TMEM131: variants seen among roughly 807,000 people sequenced by gnomAD.
The protein encoded by TMEM131 is 2610524E03Rik.
Under a neutral mutation model 211.6 loss-of-function variants are expected in TMEM131, and 66 were observed. The ratio of observed to expected loss-of-function variants is 0.31; its 90% CI spans 0.26 to 0.38. TMEM131 has a LOEUF of 0.38. Among genes scored for constraint, TMEM131 ranks in the 10% least tolerant of loss-of-function variants. The probability of loss-of-function intolerance (pLI) is 1.00; values close to 1 mark genes in which losing one functional copy is unlikely to be tolerated. For missense variants in TMEM131, 2,036 were observed against 2,299.3 expected (o/e 0.89, Z 2.34); for synonymous variants, 844 against 841.3 (o/e 1.00, Z -0.06).
At chr2:97,979,749 CT>C (rs1470380119) in intron 1 of TMEM131, among the ~76,000 whole-genome samples, 1 of 152,184 alleles carries the variant, frequency 6.6e-6, no homozygotes, top group East Asian at 1.9e-4. Context: ...AGCAATAAGG[CT>C]GTTTTGCTTT....
chr2:97,772,632 A>G (rs142701861), intron 32 of TMEM131, among the ~76,000 whole-genome samples: 1,627 of 152,314 alleles, frequency 0.011, 14 homozygotes, highest in Middle Eastern at 0.037. Context: ...GCGGTGGCGC[A>G]TGCCTGTAAT....
chr2:97,959,881 CAA>C lies in TMEM131; in HGVS notation c.188-32396_188-32395del, dbSNP rs574228097. Among the ~76,000 whole-genome samples, 346 of 152,250 alleles carry C rather than the reference CAA, an allele frequency of 2.3e-3. 1 individual carries two copies. Among genetic ancestry groups the C allele is most frequent in the Non-Finnish European group, 3.3e-3 (222 of 68,008 alleles). On this transcript the variant is annotated intron_variant, in intron 1 of 40. Coordinates refer to ENST00000186436, the MANE Select transcript of TMEM131 (RefSeq NM_015348.2). ...TCCTTTAAATTACAACAGTCCCCCTCAAAAGTTTTTGTCTTTCATGACATAAT... is the reference window on the plus strand; with the variant it reads ...TCCTTTAAATTACAACAGTCCCCCTCAAGTTTTTGTCTTTCATGACATAAT...
intron 1 of TMEM131, among the ~76,000 whole-genome samples, chr2:97,973,340 C>A (rs1679389714): frequency 6.6e-6 from 1 of 152,056 alleles, no homozygotes; most frequent in Admixed American, 6.6e-5. Context: ...ATTTTCAGAC[C>A]CTAAACATCA....
At chr2:97,795,655 G>A (rs1187600510) in intron 28 of TMEM131, among the ~76,000 whole-genome samples, 1 of 152,130 alleles carries the variant, frequency 6.6e-6, no homozygotes, top group Non-Finnish European at 1.5e-5. Flanking sequence ...TACTTATTAA[G>A]TAAATATTCA....
chr2:97,824,050 G>C (rs1682257072), intron 11 of TMEM131, among the ~76,000 whole-genome samples: 1 of 152,174 alleles, frequency 6.6e-6, no homozygotes, highest in Admixed American at 6.5e-5. Context: ...AACAAACCTT[G>C]GTGGTTCAGA....
chr2:97,871,597 G>A (rs948533725), intron 4 of TMEM131, among the ~76,000 whole-genome samples: 2 of 152,136 alleles, frequency 1.3e-5, no homozygotes, highest in South Asian at 2.1e-4. Context: ...TGACTCAACC[G>A]GTCCTGTGGC....
chr2:97,832,308 G>T (rs10165306), intron 11 of TMEM131, among the ~76,000 whole-genome samples: 1 of 152,166 alleles, frequency 6.6e-6, no homozygotes, highest in African/African-American at 2.4e-5. Context: ...TATTGAAAAA[G>T]ATACTTGTTT....
intron 2 of TMEM131, among the ~76,000 whole-genome samples, chr2:97,910,270 ACT>A (rs1676240113): frequency 1.3e-5 from 2 of 152,170 alleles, no homozygotes. Context: ...ACCTTTGTGC[ACT>A]GTTAGTGTGA....
rs142462181 is a variant in TMEM131 at position 97,866,086 on chromosome 2, G to A, written c.360-6659C>T. Reference sequence around the variant, plus strand: ...TCTTTAGTAGACGTGGGGTTTCACCGTTAGCCAGGATGGTCTCGATCTCCT... The same window carrying A: ...TCTTTAGTAGACGTGGGGTTTCACCATTAGCCAGGATGGTCTCGATCTCCT... On this transcript the variant is annotated intron_variant, in intron 4 of 40. Coordinates refer to ENST00000186436, the MANE Select transcript of TMEM131 (RefSeq NM_015348.2). Among the ~76,000 whole-genome samples, 758 of 152,228 alleles carry A rather than the reference G, an allele frequency of 5.0e-3. 2 individuals are homozygous for A. The highest frequency in any genetic ancestry group is 8.9e-3 in the Non-Finnish European group (602 of 68,002).
intron 9 of TMEM131, 23 bp from the exon 10 acceptor site, chr2:97,834,700 A>C: frequency 1.3e-6 from 2 of 1,596,898 alleles, no homozygotes; most frequent in Non-Finnish European, 1.7e-6. Context: ...AAAAGTCAAC[A>C]ATTATTTTTC....
chr2:97,992,206 T>G (rs770676419), intron 1 of TMEM131, among the ~76,000 whole-genome samples: 40 of 152,174 alleles, frequency 2.6e-4, no homozygotes, highest in Non-Finnish European at 5.6e-4. Flanking sequence ...TTAAAAATAG[T>G]TTGGTTAAGA....
At chr2:97,874,983 T>A (rs1458464478) in intron 4 of TMEM131, among the ~76,000 whole-genome samples, 1 of 152,030 alleles carries the variant, frequency 6.6e-6, no homozygotes, top group African/African-American at 2.4e-5. Flanking sequence ...TCATCTCACA[T>A]GCAAGGCACA....
In TMEM131 at chr2:97,995,457, G is replaced by A. The variant is rs1169056485; in HGVS notation, c.187+19C>T. 5 of 1,362,986 alleles carry A rather than the reference G, an allele frequency of 3.7e-6. No individual in the cohort carries two copies. The highest frequency in any genetic ancestry group is 3.5e-5 in the South Asian group (2 of 57,068). 84.4% of individuals were successfully genotyped at this position (1,362,986 alleles called of 1,614,324 possible). On this transcript the variant is annotated intron_variant, in intron 1 of 40. Coordinates refer to ENST00000186436, the MANE Select transcript of TMEM131 (RefSeq NM_015348.2). ...GGGGTGACAGCCCCGCCGCAGGGACGCCGCCGGGGGACACCCACCTTCCTT... is the reference window on the plus strand; with the variant it reads ...GGGGTGACAGCCCCGCCGCAGGGACACCGCCGGGGGACACCCACCTTCCTT...
chr2:97,828,275 G>A (rs943424861), intron 11 of TMEM131, among the ~76,000 whole-genome samples: 5 of 151,558 alleles, frequency 3.3e-5, no homozygotes, highest in African/African-American at 4.9e-5. Flanking sequence ...TTAGAATTTC[G>A]TTATGTATGT....
chr2:97,980,903 A>G (rs953471315), intron 1 of TMEM131, among the ~76,000 whole-genome samples: 1 of 151,998 alleles, frequency 6.6e-6, no homozygotes, highest in African/African-American at 2.4e-5. Flanking sequence ...GTGGTTGACA[A>G]GAGTCAGAAG....
Position 97,927,744 on chromosome 2 carries a change from ATT to A in TMEM131, c.188-259_188-258del, listed in dbSNP as rs577426730. Among the ~76,000 whole-genome samples, 212 of 152,256 alleles carry A rather than the reference ATT, an allele frequency of 1.4e-3. 1 individual carries two copies. The highest frequency in any genetic ancestry group is 4.8e-3 in the African/African-American group (201 of 41,580). On this transcript the variant is annotated intron_variant, in intron 1 of 40. Coordinates refer to ENST00000186436, the MANE Select transcript of TMEM131 (RefSeq NM_015348.2). Reference sequence around the variant, plus strand: ...ACTTCAAAATATCCATTACTGTTATATTATGAGAAAGCACAAAATAGTCAAAT... The same window carrying A: ...ACTTCAAAATATCCATTACTGTTATAATGAGAAAGCACAAAATAGTCAAAT...
At chr2:97,762,232 G>T in intron 35 of TMEM131, 32 bp from the exon 36 acceptor site, 1 of 1,609,002 alleles carries the variant, frequency 6.2e-7, no homozygotes. Context: ...GCTCGTTAGT[G>T]TGGTGTTTTG....
At chr2:97,863,303 ATTAG>A (rs1674142239) in intron 4 of TMEM131, among the ~76,000 whole-genome samples, 1 of 152,212 alleles carries the variant, frequency 6.6e-6, no homozygotes, top group Admixed American at 6.5e-5. Flanking sequence ...AGAAAGGGAC[ATTAG>A]TTAGCATCTC....
intron 28 of TMEM131, among the ~76,000 whole-genome samples, chr2:97,795,576 G>A (rs1446326): frequency 0.028 from 4,239 of 152,146 alleles, 67 homozygotes; most frequent in Middle Eastern, 0.065. Flanking sequence ...TGTACCTTGA[G>A]GAAAGGTGTC....
Sources: allele counts gnomAD v4.1 joint callset (sites outside exome capture counted in the v4.1 genomes callset), GRCh38; gene constraint gnomAD v4.1.1; transcripts MANE v1.5; gene names NCBI Gene and HGNC (gene_info 2026-07-23, HGNC 2026-07-21).